Variants in RNF212 observed in about 807,000 individuals in gnomAD.
RNF212 encodes the protein probable E3 SUMO-protein ligase RNF212.
Under a neutral mutation model 34.7 loss-of-function variants are expected in RNF212, and 33 were observed. The ratio of observed to expected loss-of-function variants is 0.95; its 90% CI spans 0.72 to 1.27. The LOEUF (loss-of-function observed/expected upper bound fraction) is 1.27, where lower values mean the gene tolerates loss of function less well. Ranked by LOEUF, RNF212 falls within the 50% of genes most tolerant of loss-of-function variation. The probability of loss-of-function intolerance (pLI) is 0.00; values close to 1 mark genes in which losing one functional copy is unlikely to be tolerated. For missense variants in RNF212, 377 were observed against 362.2 expected (o/e 1.04, Z -0.33); for synonymous variants, 140 against 136.1 (o/e 1.03, Z -0.20).
chr4:1,077,746 C>T (rs1274938411), intron 8 of RNF212, among the ~76,000 whole-genome samples: 2 of 152,302 alleles, frequency 1.3e-5, no homozygotes, highest in African/African-American at 2.4e-5. Context: ...TGGGGACCTA[C>T]AGGGACCCAG....
chr4:1,058,276 G>A (rs1717477532), intron 4 of RNF212: 1 of 676,106 alleles, frequency 1.5e-6, no homozygotes, highest in South Asian at 6.3e-5. Context: ...AGGTGCTTGC[G>A]GGGGTTAGAA....
chr4:1,098,067 AAAAC>A lies in RNF212; in HGVS notation c.172-1232_172-1229del, dbSNP rs1334546161. Among the ~76,000 whole-genome samples the A allele has an allele frequency of 3.0e-4, 46 of 152,332 alleles. No individual in the cohort carries two copies. In the East Asian group the frequency reaches 5.8e-3, roughly 19 times the overall value. Reference sequence around the variant, plus strand: ...GCAACAGAGCAAGACTCCATCTCAAAAAACAAACAAACAAAAAATCCAAAACCAA... The same window carrying A: ...GCAACAGAGCAAGACTCCATCTCAAAAAACAAACAAAAAATCCAAAACCAA... On this transcript the variant is annotated intron_variant, in intron 2 of 9. Coordinates refer to ENST00000433731, the MANE Select transcript of RNF212 (RefSeq NM_001131034.4).
At chr4:1,059,544 C>T (rs1717602584) in intron 3 of RNF212, among the ~76,000 whole-genome samples, 1 of 150,564 alleles carries the variant, frequency 6.6e-6, no homozygotes, top group Non-Finnish European at 1.5e-5. Flanking sequence ...CAAGCCTGGG[C>T]GGCCTGTTCC....
At chr4:1,061,998 G>A (rs1483236299) in intron 3 of RNF212, among the ~76,000 whole-genome samples, 4 of 152,136 alleles carry the variant, frequency 2.6e-5, no homozygotes, top group African/African-American at 4.8e-5. Flanking sequence ...ACTCCAGAGC[G>A]GCTACCGTAA....
downstream of RNF212, among the ~76,000 whole-genome samples, chr4:1,068,046 C>T (rs1334508737): frequency 1.3e-5 from 2 of 151,388 alleles, no homozygotes; most frequent in African/African-American, 4.8e-5. Context: ...ATTCTCCCCA[C>T]ACCGATGTAG....
intron 1 of RNF212, among the ~76,000 whole-genome samples, chr4:1,111,987 T>C (rs142580978): frequency 6.6e-6 from 1 of 152,108 alleles, no homozygotes; most frequent in African/African-American, 2.4e-5. Context: ...AGGCCGGTGA[T>C]TGTTAGAGGA....
intron 3 of RNF212, among the ~76,000 whole-genome samples, chr4:1,061,522 C>T (rs1009789591): frequency 5.3e-5 from 8 of 152,198 alleles, no homozygotes; most frequent in Non-Finnish European, 1.2e-4. Flanking sequence ...GGATCCAGCG[C>T]GGCCACAGAA....
intron 2 of RNF212, among the ~76,000 whole-genome samples, chr4:1,098,801 C>G (rs1022580940): frequency 6.6e-6 from 1 of 152,146 alleles, no homozygotes; most frequent in Non-Finnish European, 1.5e-5. Context: ...AGAAAAAGTG[C>G]CCCCAGCAGA....
At chr4:1,067,882 AAAAG>A (rs1718194427), downstream of RNF212, among the ~76,000 whole-genome samples, 1 of 152,032 alleles carries the variant, frequency 6.6e-6, no homozygotes, top group Admixed American at 6.5e-5. Flanking sequence ...AAAAAAAAAA[AAAAG>A]AAATACCTAA....
downstream of RNF212, among the ~76,000 whole-genome samples, chr4:1,067,148 C>G (rs568279267): frequency 6.6e-6 from 1 of 152,128 alleles, no homozygotes; most frequent in South Asian, 2.1e-4. Context: ...ACTTTACCTC[C>G]TAAAGGTTCT....
At chr4:1,093,930 C>T (rs1053415827) in intron 3 of RNF212, 44 of 1,536,096 alleles carry the variant, frequency 2.9e-5, no homozygotes, top group Non-Finnish European at 3.4e-5. Flanking sequence ...GCTTGGCTTC[C>T]ATGGGTCGAG....
chr4:1,078,999 TAGGACCAACAC>T (rs150570527), intron 8 of RNF212, among the ~76,000 whole-genome samples: 11,869 of 108,668 alleles, frequency 0.11, 2,548 homozygotes, highest in African/African-American at 0.34. Flanking sequence ...AGGACCAACA[TAGGACCAACAC>T]AGGGTCAACA....
At chr4:1,108,931 G>A (rs1015980181) in intron 1 of RNF212, among the ~76,000 whole-genome samples, 1 of 151,606 alleles carries the variant, frequency 6.6e-6, no homozygotes, top group Admixed American at 6.6e-5. Context: ...GAACTCCTGG[G>A]CTCAAACAAT....
chr4:1,061,657 C>A (rs181469061), intron 3 of RNF212, among the ~76,000 whole-genome samples: 4 of 152,142 alleles, frequency 2.6e-5, no homozygotes, highest in African/African-American at 9.7e-5. Context: ...AGCGGCCAAC[C>A]GCTGAGCTGT....
At chr4:1,070,041 T>C (rs1434946207), downstream of RNF212, among the ~76,000 whole-genome samples, 2 of 150,896 alleles carry the variant, frequency 1.3e-5, no homozygotes, top group East Asian at 1.9e-4. Context: ...GGTGGTTTCG[T>C]AGGACTATGC....
At chr4:1,083,587 G>C (rs905259054) in intron 5 of RNF212, among the ~76,000 whole-genome samples, 1 of 152,156 alleles carries the variant, frequency 6.6e-6, no homozygotes, top group African/African-American at 2.4e-5. Flanking sequence ...GAGGTGAGCT[G>C]AGATCGTGCC....
At position 1,071,922 on chromosome 4, in the gene RNF212, T is replaced by C. The variant is rs540381910; in HGVS notation, c.*952A>G. The C allele has an allele frequency of 4.6e-5, 7 of 152,348 alleles. No individual in the cohort carries two copies. The highest frequency in any genetic ancestry group is 1.7e-4 in the African/African-American group (7 of 41,584). The allele number at this position is 152,348 out of a possible 1,614,324, so 9.4% of individuals were successfully genotyped here. On this transcript the variant is annotated 3_prime_UTR_variant, in exon 10 of 10. Coordinates refer to ENST00000433731, the MANE Select transcript of RNF212 (RefSeq NM_001131034.4). ...TCCAGCATTCACACTCCTTAGTATT[T>C]ACCCAAAGGAGCTGAAAACATGTCT...
At chr4:1,090,590 A>G (rs1372838348) in intron 4 of RNF212, among the ~76,000 whole-genome samples, 192 bp downstream of exon 4, 1 of 152,182 alleles carries the variant, frequency 6.6e-6, no homozygotes, top group Non-Finnish European at 1.5e-5. Flanking sequence ...CTTGGTAACT[A>G]CAGACAAGGG....
intron 8 of RNF212, among the ~76,000 whole-genome samples, chr4:1,078,239 C>T (rs993457983): frequency 2.0e-5 from 3 of 152,216 alleles, no homozygotes; most frequent in African/African-American, 4.8e-5. Flanking sequence ...CATTCACCGC[C>T]GCCAGAACAC....
Sources: allele counts gnomAD v4.1 joint callset (sites outside exome capture counted in the v4.1 genomes callset), GRCh38; gene constraint gnomAD v4.1.1; transcripts MANE v1.5; gene names NCBI Gene and HGNC (gene_info 2026-07-23, HGNC 2026-07-21).